Variants in KHDRBS2 observed in about 807,000 individuals in gnomAD.
KHDRBS2 encodes KH RNA binding domain containing, signal transduction associated 2.
A neutral mutation model predicts 44.3 loss-of-function variants in KHDRBS2; 26 were observed. The ratio of observed to expected loss-of-function variants is 0.59; its 90% CI spans 0.43 to 0.81. KHDRBS2 has a LOEUF of 0.81. KHDRBS2 is among the 40% of genes least tolerant of loss of function. KHDRBS2 has a pLI of 0.00. For synonymous variants in KHDRBS2, 194 were observed against 151.1 expected, an observed-to-expected ratio of 1.28 and a Z score of -2.08; for missense variants, 476 against 433.1, an observed-to-expected ratio of 1.10 and a Z score of -0.88.
At chr6:62,139,718 T>A (rs1439257599) in intron 2 of KHDRBS2, among the ~76,000 whole-genome samples, 1 of 152,172 alleles carries the variant, frequency 6.6e-6, no homozygotes, top group Non-Finnish European at 1.5e-5. Flanking sequence ...ATCTGAGCTA[T>A]GCAATACTGA....
chr6:61,930,215 T>C (rs1225779773), intron 4 of KHDRBS2, among the ~76,000 whole-genome samples: 1 of 152,148 alleles, frequency 6.6e-6, no homozygotes, highest in Non-Finnish European at 1.5e-5. Context: ...GGCACCTTGA[T>C]ATTAAACTCC....
intron 6 of KHDRBS2, among the ~76,000 whole-genome samples, chr6:61,736,637 C>A (rs1310660643): frequency 6.6e-6 from 1 of 151,984 alleles, no homozygotes; most frequent in African/African-American, 2.4e-5. Flanking sequence ...TGTTTCTGAG[C>A]AGGGAGGTAC....
At chr6:61,677,830 C>T (rs1320351072), downstream of KHDRBS2, among the ~76,000 whole-genome samples, 1 of 151,822 alleles carries the variant, frequency 6.6e-6, no homozygotes, top group East Asian at 2.0e-4. Context: ...CAAACTGAGA[C>T]AGCCTATTCC....
chr6:61,941,971 T>TAG (rs1812228663), intron 4 of KHDRBS2, among the ~76,000 whole-genome samples: 2 of 151,850 alleles, frequency 1.3e-5, no homozygotes, highest in Non-Finnish European at 1.5e-5. Context: ...TATTATTGTA[T>TAG]TATTATTATT....
chr6:61,674,365 A>T, the KHDRBS2 span, among the ~76,000 whole-genome samples: 1 of 151,800 alleles, frequency 6.6e-6, no homozygotes, highest in Non-Finnish European at 1.5e-5. Context: ...TCAGTTAGAA[A>T]ACTCCACAGT....
At chr6:62,156,055 A>G (rs1816309756) in intron 2 of KHDRBS2, among the ~76,000 whole-genome samples, 1 of 152,150 alleles carries the variant, frequency 6.6e-6, no homozygotes, top group Non-Finnish European at 1.5e-5. Context: ...TTAATTTATG[A>G]CATTTCCCCA....
chr6:61,544,674 T>C, the KHDRBS2 span, among the ~76,000 whole-genome samples: 6 of 152,170 alleles, frequency 3.9e-5, no homozygotes, highest in South Asian at 1.2e-3. Flanking sequence ...AGGAGTTCTT[T>C]ACAAAAATTT....
intron 3 of KHDRBS2, among the ~76,000 whole-genome samples, chr6:61,983,358 G>C (rs1363645869): frequency 1.3e-5 from 2 of 150,952 alleles, no homozygotes; most frequent in Admixed American, 1.3e-4. Context: ...TTATAAGCGT[G>C]AGCTACCACA....
At chr6:62,103,248 G>A (rs1158024961) in intron 2 of KHDRBS2, among the ~76,000 whole-genome samples, 2 of 152,124 alleles carry the variant, frequency 1.3e-5, no homozygotes, top group East Asian at 3.9e-4. Context: ...CTCCCACCTA[G>A]AAACCTGTCT....
intron 8 of KHDRBS2, among the ~76,000 whole-genome samples, chr6:61,693,506 T>C (rs1466222693): frequency 1.3e-5 from 2 of 152,210 alleles, no homozygotes; most frequent in African/African-American, 4.8e-5. Flanking sequence ...ACTTTAGTTT[T>C]TGGCTGTGCA....
chr6:62,052,866 C>T (rs1035013404), intron 2 of KHDRBS2, among the ~76,000 whole-genome samples: 4 of 151,960 alleles, frequency 2.6e-5, no homozygotes, highest in Non-Finnish European at 5.9e-5. Context: ...TGGTTCCTAA[C>T]AGGTCACAGA....
At chr6:62,200,089 A>T (rs1371790926) in intron 1 of KHDRBS2, among the ~76,000 whole-genome samples, 9 of 152,284 alleles carry the variant, frequency 5.9e-5, no homozygotes, top group Admixed American at 1.3e-4. Flanking sequence ...TTAATTCAAG[A>T]TGGATTAAAG....
At chr6:62,077,859 C>G (rs927191265) in intron 2 of KHDRBS2, among the ~76,000 whole-genome samples, 16 of 152,002 alleles carry the variant, frequency 1.1e-4, no homozygotes, top group Admixed American at 3.9e-4. Context: ...CAATATGAGA[C>G]TGAGGAGCAA....
the KHDRBS2 span, among the ~76,000 whole-genome samples, chr6:61,653,544 A>G: frequency 6.6e-6 from 1 of 152,068 alleles, no homozygotes; most frequent in Non-Finnish European, 1.5e-5. Flanking sequence ...AAGTTAGTGG[A>G]CACTAGGAAT....
rs377535865 is a variant in KHDRBS2, at chr6:61,972,876, C to T, written c.483+5190G>A. 5.3e-5 allele frequency among the ~76,000 whole-genome samples: 8 copies of T among 152,178 alleles called. No individual in the cohort carries two copies. The South Asian group carries it at 1.2e-3, about 24-fold the overall frequency. ...TAAAAGACTGATCAGCCAGGTGTGGCGGCTGATGCCTGTCATCCCAGCATT... is the reference window on the plus strand; with the variant it reads ...TAAAAGACTGATCAGCCAGGTGTGGTGGCTGATGCCTGTCATCCCAGCATT... On this transcript the variant is annotated intron_variant, in intron 4 of 8. Transcript: ENST00000281156.
intron 1 of KHDRBS2, among the ~76,000 whole-genome samples, chr6:62,197,844 A>T (rs973056417): frequency 6.6e-6 from 1 of 152,038 alleles, no homozygotes; most frequent in African/African-American, 2.4e-5. Flanking sequence ...GAAGTAAAGC[A>T]CTCCTCAGCA....
At chr6:61,879,557 TA>T (rs1320793411) in intron 6 of KHDRBS2, among the ~76,000 whole-genome samples, 2 of 152,020 alleles carry the variant, frequency 1.3e-5, no homozygotes, top group Non-Finnish European at 2.9e-5. Flanking sequence ...ATTGTGATAT[TA>T]AAAACTAAAG....
intron 6 of KHDRBS2, among the ~76,000 whole-genome samples, chr6:61,843,198 C>A (rs1217472941): frequency 6.6e-6 from 1 of 151,764 alleles, no homozygotes; most frequent in East Asian, 1.9e-4. Context: ...GACGTGACTG[C>A]TAATGGGTAC....
At chr6:61,580,499 A>G in the KHDRBS2 span, among the ~76,000 whole-genome samples, 1 of 152,126 alleles carries the variant, frequency 6.6e-6, no homozygotes, top group African/African-American at 2.4e-5. Context: ...TTCACTCTTC[A>G]CAATAAATCT....
Sources: allele counts gnomAD v4.1 joint callset (sites outside exome capture counted in the v4.1 genomes callset), GRCh38; gene constraint gnomAD v4.1.1; transcripts MANE v1.5; gene names NCBI Gene and HGNC (gene_info 2026-07-23, HGNC 2026-07-21).